The following CADM2 variants were observed in gnomAD, a reference collection of about 807,000 sequenced individuals.
CADM2 encodes immunoglobulin superfamily member 4D.
A neutral mutation model predicts 49.8 loss-of-function variants in CADM2; 12 were observed. That is an observed-to-expected ratio of 0.24 (90% CI 0.15 to 0.39). The LOEUF (loss-of-function observed/expected upper bound fraction) is 0.39. CADM2 is among the 10% of genes least tolerant of loss of function. The pLI is 1.00. For synonymous variants in CADM2, 214 were observed against 175.4 expected (o/e 1.22, Z -1.74); for missense variants, 378 against 492.3 (o/e 0.77, Z 2.20).
At chr3:85,788,671 T>G (rs1369622584) in intron 2 of CADM2, among the ~76,000 whole-genome samples, 1 of 152,058 alleles carries the variant, frequency 6.6e-6, no homozygotes, top group African/African-American at 2.4e-5. Flanking sequence ...GATTTGAGTT[T>G]GAATAATTTT....
intron 7 of CADM2, among the ~76,000 whole-genome samples, chr3:85,939,948 C>A: frequency 6.7e-6 from 1 of 149,186 alleles, no homozygotes; most frequent in South Asian, 2.1e-4. Flanking sequence ...TTGAAATGAT[C>A]AGGAATTAAA....
intron 1 of CADM2, among the ~76,000 whole-genome samples, chr3:85,148,910 CA>C (rs1298252389): frequency 2.4e-4 from 37 of 151,944 alleles, no homozygotes; most frequent in Non-Finnish European, 3.5e-4. Context: ...CTTGCTGTCT[CA>C]GGGGTGGTAG....
intron 7 of CADM2, among the ~76,000 whole-genome samples, chr3:85,937,433 G>T (rs545531854): frequency 6.6e-6 from 1 of 151,816 alleles, no homozygotes; most frequent in Non-Finnish European, 1.5e-5. Context: ...CTATTTTACG[G>T]AAGAGAAACT....
chr3:85,472,008 A>T (rs1366421344), intron 1 of CADM2, among the ~76,000 whole-genome samples: 2 of 151,938 alleles, frequency 1.3e-5, no homozygotes, highest in Admixed American at 6.6e-5. Flanking sequence ...CTCTTAGTGT[A>T]GTAAAAGTTT....
chr3:85,735,623 A>G (rs1212247152), intron 2 of CADM2, among the ~76,000 whole-genome samples: 2 of 152,186 alleles, frequency 1.3e-5, no homozygotes, highest in Admixed American at 6.6e-5. Context: ...CCAAGAATCC[A>G]GTGGAAAATG....
intron 2 of CADM2, among the ~76,000 whole-genome samples, chr3:85,752,983 C>T (rs1186445337): frequency 6.6e-6 from 1 of 152,114 alleles, no homozygotes; most frequent in Non-Finnish European, 1.5e-5. Context: ...TTTTTCCTTA[C>T]TCAGTAGGTA....
intron 1 of CADM2, among the ~76,000 whole-genome samples, chr3:85,399,594 C>T (rs1348982538): frequency 1.3e-5 from 2 of 152,150 alleles, no homozygotes; most frequent in Admixed American, 6.6e-5. Flanking sequence ...TGAATTGATT[C>T]TTCCTATCCA....
At chr3:85,089,874 T>G (rs192425057) in intron 1 of CADM2, among the ~76,000 whole-genome samples, 5 of 152,276 alleles carry the variant, frequency 3.3e-5, no homozygotes, top group Admixed American at 3.3e-4. Context: ...ACATTGAGAT[T>G]TTGATGTGCC....
At chr3:85,422,529 G>A (rs112762303) in intron 1 of CADM2, among the ~76,000 whole-genome samples, 6,484 of 152,030 alleles carry the variant, frequency 0.043, 473 homozygotes, top group African/African-American at 0.15. Flanking sequence ...CTCCCTTCTC[G>A]GCCTCCCAAA....
rs550539800 is a variant in CADM2, at chr3:85,749,563, G to T, written c.88+23015G>T. Among the ~76,000 whole-genome samples, 17 of 151,240 alleles carry T rather than the reference G, an allele frequency of 1.1e-4. No individual in the cohort carries two copies. The Admixed American group carries it at 1.1e-3, about 10-fold the overall frequency. On this transcript the variant is annotated intron_variant, in intron 2 of 9. Coordinates refer to ENST00000383699, the MANE Select transcript of CADM2 (RefSeq NM_001167675.2). The stretch of plus-strand genomic sequence containing the variant: ...ACAACCCGGGATATATCTGTATCTT[G>T]GAACATTTTGTGGTATAAATAAATT...
Position 85,270,198 on chromosome 3 carries a change from C to A in CADM2, c.61+310530C>A, listed in dbSNP as rs568295983. On this transcript the variant is annotated intron_variant, in intron 1 of 9. Coordinates refer to ENST00000383699, the MANE Select transcript of CADM2 (RefSeq NM_001167675.2). ...TAAAATGGAATCAGTCCTATAGATG[C>A]ACTCAGTAATAAAATTCATAATTAA... is the stretch of plus-strand genomic sequence containing the variant. 7.9e-5 allele frequency among the ~76,000 whole-genome samples: 12 copies of A among 151,342 alleles called. No individual in the cohort carries two copies. The South Asian group carries it at 8.3e-4, about 10-fold the overall frequency.
At chr3:85,783,657 C>T (rs1447637112) in intron 2 of CADM2, among the ~76,000 whole-genome samples, 1 of 152,122 alleles carries the variant, frequency 6.6e-6, no homozygotes, top group Non-Finnish European at 1.5e-5. Context: ...ATTACATAAG[C>T]ATTATATATT....
At chr3:85,587,386 A>G (rs1437796944) in intron 1 of CADM2, among the ~76,000 whole-genome samples, 6 of 152,166 alleles carry the variant, frequency 3.9e-5, no homozygotes, top group Admixed American at 3.9e-4. Context: ...TCTATGAATT[A>G]AAGAATCCAG....
intron 1 of CADM2, among the ~76,000 whole-genome samples, chr3:85,365,094 G>A (rs1222719221): frequency 1.4e-5 from 2 of 146,704 alleles, no homozygotes; most frequent in Non-Finnish European, 3.0e-5. Context: ...AAAAGACAAA[G>A]CTTTAAAAAT....
At chr3:85,531,845 A>G (rs373500170) in intron 1 of CADM2, among the ~76,000 whole-genome samples, 7 of 152,290 alleles carry the variant, frequency 4.6e-5, no homozygotes, top group African/African-American at 1.7e-4. Context: ...CCCCATTTCA[A>G]TGTTTTTTAA....
intron 1 of CADM2, among the ~76,000 whole-genome samples, chr3:85,369,766 C>G (rs929155617): frequency 6.6e-6 from 1 of 152,088 alleles, no homozygotes; most frequent in African/African-American, 2.4e-5. Flanking sequence ...AGAAAAGTGC[C>G]TAGATAATCT....
intron 1 of CADM2, among the ~76,000 whole-genome samples, chr3:85,472,201 A>G (rs566065260): frequency 8.1e-4 from 123 of 152,104 alleles, no homozygotes; most frequent in Middle Eastern, 6.8e-3. Flanking sequence ...AATATCATGA[A>G]CATACTTTGT....
intron 1 of CADM2, among the ~76,000 whole-genome samples, chr3:85,408,527 C>T (rs922343651): frequency 6.6e-6 from 1 of 152,134 alleles, no homozygotes; most frequent in African/African-American, 2.4e-5. Flanking sequence ...AACTACCATA[C>T]AAACTATAGA....
Position 85,211,683 on chromosome 3 carries a change from G to A in CADM2, c.61+252015G>A, listed in dbSNP as rs147143543. Reference sequence around the variant, plus strand: ...TTCAATTTTTTAATATTTAAAACTCGTTTTGCAGCTTAGCATATGGTCTAT... The same window carrying A: ...TTCAATTTTTTAATATTTAAAACTCATTTTGCAGCTTAGCATATGGTCTAT... On this transcript the variant is annotated intron_variant, in intron 1 of 9. Transcript: ENST00000383699. Among the ~76,000 whole-genome samples the A allele has an allele frequency of 5.8e-3, 880 of 152,130 alleles. 6 individuals carry two copies. The highest frequency in any genetic ancestry group is 0.019 in the African/African-American group (795 of 41,514).
Sources: allele counts gnomAD v4.1 joint callset (sites outside exome capture counted in the v4.1 genomes callset), GRCh38; gene constraint gnomAD v4.1.1; transcripts MANE v1.5; gene names NCBI Gene and HGNC (gene_info 2026-07-23, HGNC 2026-07-21).